MAF: variants seen among roughly 807,000 people sequenced by gnomAD.
The protein encoded by MAF is MAF bZIP transcription factor.
MAF carries 10 observed loss-of-function variants against 22.0 expected under a neutral mutation model. The ratio of observed to expected loss-of-function variants is 0.45; its 90% CI spans 0.28 to 0.77. The LOEUF is 0.77. Among genes scored for constraint, MAF ranks in the 30% least tolerant of loss-of-function variants. The probability of loss-of-function intolerance (pLI) is 0.12; values close to 1 mark genes in which losing one functional copy is unlikely to be tolerated. For missense variants in MAF, 544 were observed against 548.4 expected (o/e 0.99, Z 0.08); for synonymous variants, 337 against 255.8 (o/e 1.32, Z -3.03).
the MAF span, among the ~76,000 whole-genome samples, chr16:79,323,796 C>A: frequency 1.5e-3 from 235 of 152,248 alleles, no homozygotes; most frequent in African/African-American, 5.4e-3. Context: ...AACGAGGGGA[C>A]CTGCAATCCC....
At chr16:79,470,703 G>C in the MAF span, among the ~76,000 whole-genome samples, 2,403 of 152,240 alleles carry the variant, frequency 0.016, 61 homozygotes, top group African/African-American at 0.054. Flanking sequence ...TGTACTACAG[G>C]AAAGACAGCC....
chr16:79,563,649 A>T, the MAF span, among the ~76,000 whole-genome samples: 18 of 152,180 alleles, frequency 1.2e-4, no homozygotes, highest in African/African-American at 3.6e-4. Flanking sequence ...TTTTTAAATG[A>T]GGCTGTTACA....
At chr16:79,326,952 G>A in the MAF span, among the ~76,000 whole-genome samples, 1 of 152,174 alleles carries the variant, frequency 6.6e-6, no homozygotes, top group Admixed American at 6.5e-5. Context: ...GCTGGATTTT[G>A]GTCCTGAGGC....
the MAF span, among the ~76,000 whole-genome samples, chr16:79,446,721 G>C: frequency 1.3e-5 from 2 of 149,546 alleles, no homozygotes; most frequent in Admixed American, 1.4e-4. Context: ...AGACCAGCCT[G>C]GGCAGCACAG....
chr16:79,524,833 G>C, the MAF span, among the ~76,000 whole-genome samples: 1 of 152,222 alleles, frequency 6.6e-6, no homozygotes, highest in African/African-American at 2.4e-5. Flanking sequence ...TTATGGGGCA[G>C]ACAGATTCTG....
At chr16:79,587,887 A>C (rs1912949694) in intron 1 of MAF, among the ~76,000 whole-genome samples, 1 of 148,192 alleles carries the variant, frequency 6.7e-6, no homozygotes, top group Non-Finnish European at 1.5e-5. Context: ...GGGGGTAGAT[A>C]CTATTTGCAC....
chr16:79,338,357 A>G, the MAF span, among the ~76,000 whole-genome samples: 1 of 152,132 alleles, frequency 6.6e-6, no homozygotes, highest in Non-Finnish European at 1.5e-5. Context: ...TGATGGGGAG[A>G]TATCAAGTAT....
chr16:79,530,365 T>C, the MAF span, among the ~76,000 whole-genome samples: 1 of 152,156 alleles, frequency 6.6e-6, no homozygotes, highest in African/African-American at 2.4e-5. Flanking sequence ...GGTCCCAAAG[T>C]GCCTACTTCA....
At chr16:79,534,410 A>C in the MAF span, among the ~76,000 whole-genome samples, 1,474 of 152,242 alleles carry the variant, frequency 9.7e-3, 15 homozygotes, top group South Asian at 0.022. Flanking sequence ...CTCCAAAAAT[A>C]GTGTCAGAAA....
chr16:79,469,080 C>T, the MAF span, among the ~76,000 whole-genome samples: 1 of 152,136 alleles, frequency 6.6e-6, no homozygotes, highest in Non-Finnish European at 1.5e-5. Context: ...CCCAAGTGCC[C>T]AAGGGCCCAA....
At chr16:79,456,570 C>T in the MAF span, among the ~76,000 whole-genome samples, 11 of 152,272 alleles carry the variant, frequency 7.2e-5, no homozygotes, top group South Asian at 2.3e-3. Flanking sequence ...TTAAACCATG[C>T]TCAGAGTATG....
At chr16:79,227,063 A>G in the MAF span, among the ~76,000 whole-genome samples, 7 of 152,120 alleles carry the variant, frequency 4.6e-5, no homozygotes, top group East Asian at 1.9e-4. Flanking sequence ...TTGTTTCAAA[A>G]TAACTGGCTG....
the MAF span, among the ~76,000 whole-genome samples, chr16:79,500,912 G>A: frequency 1.3e-5 from 2 of 152,066 alleles, no homozygotes; most frequent in African/African-American, 4.8e-5. Flanking sequence ...CAGTTTCTCT[G>A]TTAGGGAAAA....
At chr16:79,331,890 G>T in the MAF span, among the ~76,000 whole-genome samples, 2 of 152,112 alleles carry the variant, frequency 1.3e-5, no homozygotes, top group East Asian at 1.9e-4. Context: ...CAACAAAGAG[G>T]CCTTCCCTGA....
the MAF span, among the ~76,000 whole-genome samples, chr16:79,450,362 A>G: frequency 6.6e-6 from 1 of 152,218 alleles, no homozygotes; most frequent in African/African-American, 2.4e-5. Flanking sequence ...ATGCACCTGC[A>G]TTGGAGAAAT....
the MAF span, among the ~76,000 whole-genome samples, chr16:79,372,189 A>G: frequency 6.6e-6 from 1 of 151,402 alleles, no homozygotes; most frequent in African/African-American, 2.4e-5. Context: ...ATTTGAGATC[A>G]GTAATCTCTG....
the MAF span, among the ~76,000 whole-genome samples, chr16:79,357,235 AAC>A: frequency 6.7e-6 from 1 of 149,790 alleles, no homozygotes; most frequent in Non-Finnish European, 1.5e-5. Flanking sequence ...CAGCCTGGGC[AAC>A]AGAGCAAGAC....
chr16:79,334,965 T>C, the MAF span, among the ~76,000 whole-genome samples: 1 of 151,554 alleles, frequency 6.6e-6, no homozygotes, highest in African/African-American at 2.4e-5. Flanking sequence ...GGCGGGCAGA[T>C]CACCAGGTCA....
chr16:79,462,646 C>G, the MAF span, among the ~76,000 whole-genome samples: 3 of 152,186 alleles, frequency 2.0e-5, no homozygotes, highest in Admixed American at 6.5e-5. Context: ...TACAAACACA[C>G]TCACATATAG....
Sources: allele counts gnomAD v4.1 joint callset (sites outside exome capture counted in the v4.1 genomes callset), GRCh38; gene constraint gnomAD v4.1.1; transcripts MANE v1.5; gene names NCBI Gene and HGNC (gene_info 2026-07-23, HGNC 2026-07-21).